Variants in NBPF10 observed in about 807,000 individuals in gnomAD.
NBPF10 encodes the protein NBPF member 10, also known as NBPF family member NBPF10.
In NBPF10, 63 loss-of-function variants were observed where a neutral mutation model predicts 77.9. That is an observed-to-expected ratio of 0.81 (90% CI 0.66 to 1.00). The LOEUF is 1.00. Among genes scored for constraint, NBPF10 ranks in the 50% least tolerant of loss-of-function variants. The pLI, the probability that NBPF10 is intolerant of heterozygous loss-of-function variation, is 0.00. For synonymous variants in NBPF10, 146 were observed against 264.5 expected, an observed-to-expected ratio of 0.55 and a Z score of 4.35; for missense variants, 522 against 679.8, an observed-to-expected ratio of 0.77 and a Z score of 2.58.
chr1:146,140,381 G>C (rs1660175751), intron 4 of NBPF10, 103 bp downstream of exon 4: 6 of 884,404 alleles, frequency 6.8e-6, no homozygotes, highest in Non-Finnish European at 1.0e-5. Flanking sequence ...TGTGGCCAAG[G>C]GAATGCGGGC....
chr1:146,136,738 C>T (rs1659749744), intron 6 of NBPF10, among the ~76,000 whole-genome samples: 1 of 144,830 alleles, frequency 6.9e-6, no homozygotes, highest in Non-Finnish European at 1.5e-5. Context: ...TCCCTGAGGT[C>T]TGACTCTGAA....
rs1364424208 is a variant in NBPF10, at chr1:146,067,275, CTTCTT to C, written c.11044_11048del (p.Lys3682GlyfsTer44). ...TTCCCCTTCTTTTTTTCCCCTTCCC[CTTCTT>C]TTCAATTTCTGCAATAAATTCAGAC... On this transcript the variant is annotated frameshift_variant, in exon 89 of 90. Transcript: ENST00000583866. LOFTEE classifies it high-confidence loss of function. The C allele has an allele frequency of 5.4e-6, 3 of 553,146 alleles. No homozygotes were observed. Among genetic ancestry groups the C allele is most frequent in the East Asian group, 3.1e-5 (1 of 32,042 alleles). The allele number at this position is 553,146 out of a possible 1,614,324, so 34.3% of individuals were successfully genotyped here.
intron 89 of NBPF10, among the ~76,000 whole-genome samples, 171 bp from the exon 90 acceptor site, chr1:146,066,732 G>T (rs1553777592): frequency 6.6e-6 from 1 of 150,548 alleles, no homozygotes; most frequent in East Asian, 2.0e-4. Context: ...AACAGGGCCA[G>T]GTAGAAAACA....
chr1:146,125,290 G>A lies in NBPF10; in HGVS notation c.2078+175C>T, dbSNP rs1350264110. On this transcript the variant is annotated intron_variant, in intron 15 of 89. Transcript: ENST00000583866. ...CCTATAGTAAGTGAGTAAATGATAA[G>A]GGGAGGAAGAAATGGAAACCTAAAC... Among the ~76,000 whole-genome samples the A allele has an allele frequency of 4.1e-4, 18 of 43,920 alleles. No homozygotes were observed. The South Asian group carries it at 7.9e-3, about 19-fold the overall frequency. The allele number at this position is 43,920 out of a possible 152,430, so 28.8% of individuals were successfully genotyped here. A position where few individuals can be genotyped will look rare whatever the true frequency, so the allele number is the denominator to read the frequency against.
At chr1:146,123,855 C>G in intron 17 of NBPF10, 72 bp downstream of exon 17, 1 of 372,898 alleles carries the variant, frequency 2.7e-6, no homozygotes, top group Non-Finnish European at 4.5e-6. Flanking sequence ...AATGTCAGCC[C>G]GCTCTGTTTT....
At chr1:146,126,816 G>T (rs1458177633) in intron 13 of NBPF10, among the ~76,000 whole-genome samples, 1 of 125,168 alleles carries the variant, frequency 8.0e-6, no homozygotes, top group East Asian at 2.2e-4. Context: ...TTGAGGTATG[G>T]TCAACTTTCA....
intron 89 of NBPF10, among the ~76,000 whole-genome samples, chr1:146,066,867 C>G (rs1457633403): frequency 6.6e-6 from 1 of 150,686 alleles, no homozygotes; most frequent in African/African-American, 2.4e-5. Flanking sequence ...TTAGTGCCCT[C>G]ATGACACACA....
intron 15 of NBPF10, 59 bp downstream of exon 15, chr1:146,125,406 G>A: frequency 3.6e-6 from 1 of 276,390 alleles, no homozygotes; most frequent in Non-Finnish European, 6.4e-6. Context: ...TGTTTTCCCT[G>A]GACCTGGCAT....
chr1:146,126,678 A>C (rs1166684905), intron 13 of NBPF10, among the ~76,000 whole-genome samples: 2 of 146,122 alleles, frequency 1.4e-5, no homozygotes, highest in African/African-American at 5.0e-5. Context: ...CTGATGAGGG[A>C]GTCAAAGGAC....
At position 146,126,311 on chromosome 1, in the gene NBPF10, C is replaced by T. The variant is rs782081627; in HGVS notation, c.1951G>A (p.Asp651Asn). ...GCACTTCTGTAGGGCTGGCATGAGT[C>T]AGTCAGTTCAAGACAACCTGAAGGA... is the stretch of plus-strand genomic sequence containing the variant. Residue 651 changes from aspartate to asparagine, a missense_variant, in exon 14 of 90, where the codon GAC becomes AAC. Physicochemically the swap from Asp to Asn is conservative, Grantham distance 23 (BLOSUM62 1). Transcript: ENST00000583866. The T allele has an allele frequency of 6.8e-6, 10 of 1,466,088 alleles. 1 individual carries two copies. 90.8% of individuals were successfully genotyped at this position (1,466,088 alleles called of 1,614,324 possible).
In NBPF10 at chr1:146,066,870, G is replaced by A. The variant is rs587704733; in HGVS notation, c.11145-309C>T. ...GGACACTCTGACTTAGTGCCCTCAT[G>A]ACACACAGCAAACAGTGATCATGAA... On this transcript the variant is annotated intron_variant, in intron 89 of 89. Coordinates refer to ENST00000583866, the Ensembl canonical transcript of NBPF10. Among the ~76,000 whole-genome samples the A allele has an allele frequency of 4.0e-3, 598 of 150,738 alleles. 7 individuals carry two copies. Among genetic ancestry groups the A allele is most frequent in the African/African-American group, 0.014 (575 of 41,398 alleles).
At chr1:146,134,286 G>C (rs373979424) in intron 8 of NBPF10, 21 bp from the exon 9 acceptor site, 1 of 1,602,170 alleles carries the variant, frequency 6.2e-7, no homozygotes, top group Non-Finnish European at 8.5e-7. Flanking sequence ...AGAAGTGTTC[G>C]TTCAGGTATT....
At chr1:146,084,089 A>G (rs1656521140) in intron 67 of NBPF10, among the ~76,000 whole-genome samples, 180 bp from the exon 68 acceptor site, 1 of 148,886 alleles carries the variant, frequency 6.7e-6, no homozygotes, top group Non-Finnish European at 1.5e-5. Context: ...AAAACAATGA[A>G]AGAGAAAGAC....
chr1:146,136,172 C>T (rs1437741394), intron 7 of NBPF10, among the ~76,000 whole-genome samples, 181 bp downstream of exon 7: 2 of 151,816 alleles, frequency 1.3e-5, no homozygotes, highest in African/African-American at 4.9e-5. Flanking sequence ...TGAGAAACAA[C>T]TGCAACCCAT....
At chr1:146,126,351 A>G (rs782729508) in exon 14 of NBPF10, 2 of 1,362,770 alleles carry the variant, frequency 1.5e-6, no homozygotes, top group Admixed American at 1.7e-5. Flanking sequence ...AATAACATCT[A>G]TCCTGTGAGT....
intron 14 of NBPF10, among the ~76,000 whole-genome samples, chr1:146,125,851 T>C (rs587659660): frequency 0.011 from 1,628 of 150,894 alleles, 37 homozygotes; most frequent in Non-Finnish European, 0.016. Flanking sequence ...TATTCAGCCC[T>C]GTCTCATCAA....
intron 2 of NBPF10, among the ~76,000 whole-genome samples, chr1:146,142,388 CTTTGG>C: frequency 7.5e-6 from 1 of 134,126 alleles, no homozygotes; most frequent in South Asian, 2.6e-4. Flanking sequence ...GTTCCCACTC[CTTTGG>C]TGAATTTTGT....
rs587610321 is a variant in NBPF10, at chr1:146,126,398, C to T, written c.1864G>A (p.Glu622Lys). 13 of 1,271,126 alleles carry T rather than the reference C, an allele frequency of 1.0e-5. No homozygotes were observed. In the Admixed American group the frequency reaches 1.9e-4, roughly 18 times the overall value. The allele number at this position is 1,271,126 out of a possible 1,614,324, so 78.7% of individuals were successfully genotyped here. ...TCAGGCCCTTTCTCATCCAGCAGCT[C>T]CCTGCTGAGCGTGGAAAAGTAGGAA... Residue 622 changes from glutamate to lysine, a missense_variant, in exon 14 of 90, where the codon GAG becomes AAG. This residue lies in a region of NBPF10 where 178 missense variants were observed against 77.7 expected (regional missense o/e 2.29). Transcript: ENST00000583866.
Position 146,142,752 on chromosome 1 carries a change from T to A in NBPF10, c.176A>T (p.Lys59Met), listed in dbSNP as rs1553797943. Residue 59 changes from lysine (K) to methionine (M), a missense_variant and splice_region_variant, in exon 2 of 90, where the codon AAG (lysine) becomes ATG (methionine). Around this residue, in one of 9 missense-constraint regions of NBPF10, gnomAD observed 71 missense variants for 114.9 expected, o/e 0.62. Transcript: ENST00000583866. ...TATGAGGTCTTTACACTCTTCATAC[T>A]CTGAAAAAAGACAGACACGCCTGCC... 11 of 1,356,276 alleles carry A rather than the reference T, an allele frequency of 8.1e-6. 2 individuals are homozygous for A. Among genetic ancestry groups the A allele is most frequent in the Middle Eastern group, 4.9e-4 (2 of 4,084 alleles). 84.0% of individuals were successfully genotyped at this position (1,356,276 alleles called of 1,614,324 possible).
Sources: gnomAD v4.1 joint callset for allele counts (sites outside exome capture counted in the v4.1 genomes callset) on GRCh38, gnomAD v4.1.1 for gene constraint, gnomAD v4.1.1 regional missense constraint, MANE v1.5 for transcripts, NCBI Gene and HGNC (gene_info 2026-07-23, HGNC 2026-07-21) for gene names.